TENM1: variants seen among roughly 807,000 people sequenced by gnomAD.
TENM1 encodes the protein teneurin transmembrane protein 1, also known as teneurin-1.
Under a neutral mutation model 174.8 loss-of-function variants are expected in TENM1, and 35 were observed. The ratio of observed to expected loss-of-function variants is 0.20; its 90% CI spans 0.15 to 0.27. The LOEUF (loss-of-function observed/expected upper bound fraction) is 0.27, where lower values mean the gene tolerates loss of function less well. TENM1 is among the 10% of genes least tolerant of loss of function. The pLI is 1.00. For missense variants in TENM1, 1,633 were observed against 2,130.1 expected, an observed-to-expected ratio of 0.77 and a Z score of 4.59; for synonymous variants, 781 against 798.7, an observed-to-expected ratio of 0.98 and a Z score of 0.37.
At chrX:124,930,828 C>T (rs954028053) in intron 1 of TENM1, among the ~76,000 whole-genome samples, 7 of 112,182 alleles carry the variant, frequency 6.2e-5, no homozygotes, top group African/African-American at 2.3e-4. Flanking sequence ...TTATTAAAAA[C>T]GATCTGGGCT....
At chrX:124,477,822 T>G (rs1168180205) in intron 22 of TENM1, among the ~76,000 whole-genome samples, 1 of 110,278 alleles carries the variant, frequency 9.1e-6, no homozygotes, top group Non-Finnish European at 1.9e-5. Flanking sequence ...TGAATTCCAG[T>G]GTTGTTATCT....
chrX:124,698,758 C>CT (rs897481188), intron 5 of TENM1, among the ~76,000 whole-genome samples: 1 of 111,342 alleles, frequency 9.0e-6, no homozygotes, highest in African/African-American at 3.3e-5. Context: ...TGTATCTTTC[C>CT]TTTTTTGCTT....
exon 20 of TENM1, chrX:124,497,258 T>C (rs1292766390): frequency 8.3e-7 from 1 of 1,199,625 alleles, no homozygotes; most frequent in Non-Finnish European, 1.1e-6. Context: ...TCCCTTTATG[T>C]ATGATTCCTA....
chrX:125,200,654 T>TGAGAGAGAGAGAGAGAGA, the TENM1 span, among the ~76,000 whole-genome samples: 5 of 92,423 alleles, frequency 5.4e-5, no homozygotes, highest in African/African-American at 2.1e-4. Context: ...TGTGTGTGTG[T>TGAGAGAGAGAGAGAGAGA]GAGAGAGAGA....
chrX:124,951,061 G>T (rs1431538727), intron 1 of TENM1, among the ~76,000 whole-genome samples: 1 of 111,162 alleles, frequency 9.0e-6, no homozygotes, highest in Non-Finnish European at 1.9e-5. Flanking sequence ...ACTTTATATT[G>T]AAATGTACAT....
chrX:125,114,617 C>CAA, the TENM1 span, among the ~76,000 whole-genome samples: 287 of 108,196 alleles, frequency 2.7e-3, 1 homozygote, highest in African/African-American at 9.6e-3. Context: ...CACTTCTACA[C>CAA]AAAAAAAAAC....
intron 3 of TENM1, among the ~76,000 whole-genome samples, chrX:124,843,623 C>T (rs1056357793): frequency 9.0e-6 from 1 of 111,672 alleles, no homozygotes; most frequent in South Asian, 3.7e-4. Flanking sequence ...TTATTCTTCA[C>T]GTATTTCATA....
Position 124,761,256 on chromosome X carries a change from C to T in TENM1, c.536-24059G>A, listed in dbSNP as rs928830561. ...GACACATGCACACGTATGTTCACGG[C>T]GGCACTATTCACAATAGCAAAGACT... is the stretch of plus-strand genomic sequence containing the variant. On this transcript the variant is annotated intron_variant, in intron 3 of 31. Transcript: ENST00000422452. Among the ~76,000 whole-genome samples the T allele has an allele frequency of 5.4e-5, 6 of 110,371 alleles. No individual in the cohort carries two copies. In the East Asian group the frequency reaches 1.4e-3, roughly 26 times the overall value.
At chrX:124,468,072 G>A (rs966528650) in intron 22 of TENM1, among the ~76,000 whole-genome samples, 5 of 111,141 alleles carry the variant, frequency 4.5e-5, no homozygotes, top group Non-Finnish European at 7.5e-5. Flanking sequence ...TCAAAATTAG[G>A]AAATATTTCA....
At position 124,645,352 on chromosome X, in the gene TENM1, A is replaced by G. The variant is rs1473226605; in HGVS notation, c.1682-15T>C. ...AGGGCAGGAATCTGAAGGTTGGCAA[A>G]TGAACTTGTAATGTTCTCATAATGC... On this transcript the variant is annotated splice_polypyrimidine_tract_variant and intron_variant, in intron 9 of 31. Coordinates refer to ENST00000422452, the Ensembl canonical transcript of TENM1. 2.5e-6 allele frequency: 3 copies of G among 1,197,851 alleles called. No homozygotes were observed. The highest frequency in any genetic ancestry group is 3.0e-5 in the East Asian group (1 of 33,598).
chrX:124,748,824 A>G lies in TENM1; in HGVS notation c.536-11627T>C, dbSNP rs910184771. Among the ~76,000 whole-genome samples the G allele has an allele frequency of 2.7e-5, 3 of 112,253 alleles. No individual in the cohort carries two copies. The East Asian group carries it at 8.4e-4, about 31-fold the overall frequency. ...AACCTTTTCAAGCCTTTGTTTCTTCATCTGTAAAATAAGGATAGTAATAAG... is the reference window on the plus strand; with the variant it reads ...AACCTTTTCAAGCCTTTGTTTCTTCGTCTGTAAAATAAGGATAGTAATAAG... On this transcript the variant is annotated intron_variant, in intron 3 of 31. Transcript: ENST00000422452.
At chrX:124,994,229 TTTTTTTTTTG>T in the TENM1 span, among the ~76,000 whole-genome samples, 140 of 90,737 alleles carry the variant, frequency 1.5e-3, no homozygotes, top group African/African-American at 6.1e-3. Flanking sequence ...TTTTTTTTTT[TTTTTTTTTTG>T]GCAATTGACC....
rs759219800 is a variant in TENM1, at chrX:124,541,654, A to G, written c.2651+5220T>C. ...GCAATGTGAGAATGACCTAATACAGAGCACTCACACTTCAAAATCATAACT... is the reference window on the plus strand; with the variant it reads ...GCAATGTGAGAATGACCTAATACAGGGCACTCACACTTCAAAATCATAACT... On this transcript the variant is annotated intron_variant, in intron 15 of 31. Transcript: ENST00000422452. Among the ~76,000 whole-genome samples, 17 of 112,076 alleles carry G rather than the reference A, an allele frequency of 1.5e-4. No individual in the cohort carries two copies. In the South Asian group the frequency reaches 2.6e-3, roughly 17 times the overall value.
the TENM1 span, among the ~76,000 whole-genome samples, chrX:125,095,618 T>C: frequency 5.3e-5 from 6 of 112,281 alleles, no homozygotes; most frequent in African/African-American, 1.6e-4. Flanking sequence ...AATTAGCGTA[T>C]ACAACTTCAA....
At chrX:124,640,742 C>T (rs753548164) in intron 11 of TENM1, among the ~76,000 whole-genome samples, 1 of 110,469 alleles carries the variant, frequency 9.1e-6, no homozygotes, top group South Asian at 3.9e-4. Flanking sequence ...AGGCGGATCA[C>T]GAGGTCAGGA....
chrX:124,422,692 G>A, intron 23 of TENM1, 54 bp from the exon 27 acceptor site: 5 of 1,108,228 alleles, frequency 4.5e-6, no homozygotes, highest in Non-Finnish European at 6.0e-6. Flanking sequence ...TCCATGGACA[G>A]TTTTAACTTG....
At chrX:124,609,421 G>A (rs1225087535) in intron 11 of TENM1, among the ~76,000 whole-genome samples, 2 of 110,834 alleles carry the variant, frequency 1.8e-5, no homozygotes, top group Admixed American at 1.9e-4. Context: ...TGTATCTAAA[G>A]CCTTTGGTTT....
At chrX:125,184,096 T>A in the TENM1 span, among the ~76,000 whole-genome samples, 1,881 of 111,861 alleles carry the variant, frequency 0.017, 48 homozygotes, top group African/African-American at 0.058. Context: ...CTATGTCATG[T>A]TGTCTTTCTA....
chrX:124,909,657 A>G, intron 1 of TENM1, among the ~76,000 whole-genome samples: 1 of 112,340 alleles, frequency 8.9e-6, no homozygotes, highest in Middle Eastern at 4.6e-3. Flanking sequence ...ACTCATTGAA[A>G]ACAACAATGA....
Sources: allele counts gnomAD v4.1 joint callset (sites outside exome capture counted in the v4.1 genomes callset), GRCh38; gene constraint gnomAD v4.1.1; transcripts MANE v1.5; gene names NCBI Gene and HGNC (gene_info 2026-07-23, HGNC 2026-07-21).